The following XRRA1 variants were observed in gnomAD, a reference collection of about 807,000 sequenced individuals.
XRRA1 encodes the protein X-ray radiation resistance associated 1.
In XRRA1, 69 loss-of-function variants were observed where a neutral mutation model predicts 80.2. That is an observed-to-expected ratio of 0.86 (90% CI 0.71 to 1.05). The LOEUF (loss-of-function observed/expected upper bound fraction) is 1.05. Among genes scored for constraint, XRRA1 ranks in the 50% least tolerant of loss-of-function variants. The pLI is 0.00. For synonymous variants in XRRA1, 348 were observed against 389.9 expected, an observed-to-expected ratio of 0.89 and a Z score of 1.27; for missense variants, 967 against 976.4, an observed-to-expected ratio of 0.99 and a Z score of 0.13.
At chr11:74,939,774 T>C (rs184071609) in intron 3 of XRRA1, among the ~76,000 whole-genome samples, 41 of 152,308 alleles carry the variant, frequency 2.7e-4, no homozygotes, top group African/African-American at 9.6e-4. Flanking sequence ...CTAAAACATA[T>C]AGATATATAC....
intron 8 of XRRA1, chr11:74,913,892 A>G (rs1291334157): frequency 6.6e-6 from 1 of 152,202 alleles, no homozygotes; most frequent in Admixed American, 6.5e-5. Flanking sequence ...TGAAAGACAT[A>G]ATCCTGTACC....
At chr11:74,919,352 A>G (rs1460117203) in intron 8 of XRRA1, among the ~76,000 whole-genome samples, 1 of 152,240 alleles carries the variant, frequency 6.6e-6, no homozygotes, top group African/African-American at 2.4e-5. Context: ...ATTGTTGGTG[A>G]TAGGTACCTG....
At chr11:74,902,935 A>C (rs921654735) in intron 10 of XRRA1, among the ~76,000 whole-genome samples, 1 of 152,244 alleles carries the variant, frequency 6.6e-6, no homozygotes, top group East Asian at 1.9e-4. Context: ...TTACATGCCT[A>C]TACCAAAATA....
At position 74,927,283 on chromosome 11, in the gene XRRA1, G is replaced by C. The variant is rs372595014; in HGVS notation, c.522+108C>G. On this transcript the variant is annotated intron_variant, in intron 7 of 18. Transcript: ENST00000684022. ...CCAGCAATGAAGCAAGGGCCTGGCTGTACAGGCCCAGCAAGCCCCTTCCCA... is the reference window on the plus strand; with the variant it reads ...CCAGCAATGAAGCAAGGGCCTGGCTCTACAGGCCCAGCAAGCCCCTTCCCA... 5.9e-4 allele frequency: 226 copies of C among 381,394 alleles called. 1 individual carries two copies. In the South Asian group the frequency reaches 9.7e-3, roughly 16 times the overall value. 23.6% of individuals were successfully genotyped at this position (381,394 alleles called of 1,614,324 possible).
intron 9 of XRRA1, 47 bp from the exon 10 acceptor site, chr11:74,906,503 T>G: frequency 6.3e-7 from 1 of 1,585,128 alleles, no homozygotes. Flanking sequence ...TAATGATACC[T>G]CAGGATTGTT....
rs530149623 is a variant in XRRA1 at position 74,852,765 on chromosome 11, T to C, written c.1171-683A>G. 5.9e-5 allele frequency among the ~76,000 whole-genome samples: 9 copies of C among 152,300 alleles called. No individual in the cohort carries two copies. The East Asian group carries it at 1.5e-3, about 26-fold the overall frequency. ...TACAAGCTTTGTTGAGCAGACTGCC[T>C]GGAAAAGCTGGACCATCTTGGCGAG... On this transcript the variant is annotated intron_variant, in intron 12 of 18. Transcript: ENST00000684022.
chr11:74,879,277 G>A lies in XRRA1; in HGVS notation c.1004-16256C>T, dbSNP rs1159477623. On this transcript the variant is annotated intron_variant, in intron 10 of 18. Transcript: ENST00000684022. ...TTGGCTCTCTGTTTGTCTGTTGTTG[G>A]TGTATAAGAATGCTTGTGATTTTTG... 6.6e-5 allele frequency among the ~76,000 whole-genome samples: 10 copies of A among 151,326 alleles called. No individual in the cohort carries two copies. In the South Asian group the frequency reaches 1.7e-3, roughly 25 times the overall value.
At chr11:74,890,656 C>A (rs1302552345) in intron 10 of XRRA1, among the ~76,000 whole-genome samples, 5 of 151,578 alleles carry the variant, frequency 3.3e-5, no homozygotes, top group African/African-American at 4.9e-5. Context: ...AGACCGCTAG[C>A]AAGACTAATA....
At chr11:74,905,667 G>C (rs755036066) in intron 10 of XRRA1, among the ~76,000 whole-genome samples, 4 of 152,122 alleles carry the variant, frequency 2.6e-5, no homozygotes, top group Non-Finnish European at 5.9e-5. Flanking sequence ...GCTGAATCTA[G>C]TTTGCAGTTT....
At chr11:74,885,229 G>A (rs879828120) in intron 10 of XRRA1, among the ~76,000 whole-genome samples, 9 of 152,070 alleles carry the variant, frequency 5.9e-5, no homozygotes, top group African/African-American at 1.4e-4. Flanking sequence ...ACGCAACTGC[G>A]CTCCAGCCTG....
At chr11:74,874,233 CAAAAAAAAAAAA>C (rs367875228) in intron 10 of XRRA1, among the ~76,000 whole-genome samples, 17 of 48,314 alleles carry the variant, frequency 3.5e-4, no homozygotes, top group African/African-American at 1.1e-3. Context: ...GACTCCGTCT[CAAAAAAAAAAAA>C]AAAAAAAAAA....
chr11:74,843,729 G>A (rs866693460), intron 18 of XRRA1, 125 bp downstream of exon 18: 2 of 903,868 alleles, frequency 2.2e-6, no homozygotes, highest in Non-Finnish European at 3.4e-6. Flanking sequence ...CCATCTACAT[G>A]TAGAGACTGA....
chr11:74,844,065 C>A, intron 17 of XRRA1, 103 bp downstream of exon 17: 1 of 1,461,672 alleles, frequency 6.8e-7, no homozygotes, highest in Non-Finnish European at 9.5e-7. Flanking sequence ...TCTGGGGGTG[C>A]TGGGAAAGCA....
intron 3 of XRRA1, among the ~76,000 whole-genome samples, chr11:74,938,925 TTC>T (rs1428973175): frequency 6.6e-6 from 1 of 152,204 alleles, no homozygotes; most frequent in African/African-American, 2.4e-5. Flanking sequence ...CTACTACCAG[TTC>T]TGTTTCTCTG....
rs749751521 is a variant in XRRA1, at chr11:74,907,186, G to C, written c.744C>G (p.Leu248=). 14 of 1,613,986 alleles carry C rather than the reference G, an allele frequency of 8.7e-6. No homozygotes were observed. Among genetic ancestry groups the C allele is most frequent in the Middle Eastern group, 3.3e-4 (2 of 6,040 alleles). ...GGCTGGCAAAGCAACTGGGGTTGGA[G>C]AGTCTGTTGTCATCCAGCATCAGTG... ...LETLMLDDNR[L]SNPSCFASLA... The change falls in exon 9 of 19, where the codon CTC becomes CTG. Residue 248 remains leucine, a synonymous_variant. Transcript: ENST00000684022.
chr11:74,939,399 T>C (rs1240754022), intron 3 of XRRA1, among the ~76,000 whole-genome samples: 1 of 152,194 alleles, frequency 6.6e-6, no homozygotes, highest in Non-Finnish European at 1.5e-5. Flanking sequence ...CATATTTACA[T>C]ATTCAAATAT....
intron 15 of XRRA1, among the ~76,000 whole-genome samples, chr11:74,847,075 T>C (rs1238701283): frequency 6.6e-6 from 1 of 152,198 alleles, no homozygotes; most frequent in Non-Finnish European, 1.5e-5. Context: ...CTTGTACTAT[T>C]TCCTTTCCTG....
intron 5 of XRRA1, among the ~76,000 whole-genome samples, chr11:74,932,492 C>T (rs1943864960): frequency 6.6e-6 from 1 of 152,200 alleles, no homozygotes; most frequent in Non-Finnish European, 1.5e-5. Context: ...CAGGCAGTGT[C>T]TGAGCCACCT....
At chr11:74,899,462 GAAAC>G (rs1373907692) in intron 10 of XRRA1, among the ~76,000 whole-genome samples, 1 of 151,990 alleles carries the variant, frequency 6.6e-6, no homozygotes, top group Non-Finnish European at 1.5e-5. Flanking sequence ...CAAGACCAAT[GAAAC>G]AAAAAGTTGG....
Sources: allele counts gnomAD v4.1 joint callset (sites outside exome capture counted in the v4.1 genomes callset), GRCh38; gene constraint gnomAD v4.1.1; transcripts MANE v1.5; gene names NCBI Gene and HGNC (gene_info 2026-07-23, HGNC 2026-07-21).